Variants in METTL24 observed in about 807,000 individuals in gnomAD.
The protein encoded by METTL24 is probable methyltransferase-like protein 24.
In METTL24, 29 loss-of-function variants were observed where a neutral mutation model predicts 32.7. The ratio of observed to expected loss-of-function variants is 0.89; its 90% confidence interval spans 0.66 to 1.21. The LOEUF (loss-of-function observed/expected upper bound fraction) is 1.21. METTL24 is among the 50% of genes most tolerant of loss of function. The pLI is 0.00. For missense variants in METTL24, 439 were observed against 468.1 expected, an observed-to-expected ratio of 0.94 and a Z score of 0.57; for synonymous variants, 163 against 179.5, an observed-to-expected ratio of 0.91 and a Z score of 0.73.
intron 4 of METTL24, among the ~76,000 whole-genome samples, chr6:110,297,816 C>T (rs150071873): frequency 2.0e-5 from 3 of 152,122 alleles, no homozygotes; most frequent in Admixed American, 2.0e-4. Flanking sequence ...CACCAGTTAC[C>T]CTTGGTGGCA....
At position 110,335,566 on chromosome 6, in the gene METTL24, GTTTTTTTTTTTTTTTT is replaced by G. The variant is rs527344096; in HGVS notation, c.319-12710_319-12695del. Reference sequence around the variant, plus strand: ...TGCTTTGTACTTGTAGGGAATCATTGTTTTTTTTTTTTTTTTTTTTTTTTTTTTATGAAAAAAATGT... The same window carrying G: ...TGCTTTGTACTTGTAGGGAATCATTGTTTTTTTTTTTTATGAAAAAAATGT... On this transcript the variant is annotated intron_variant, in intron 1 of 4. Coordinates refer to ENST00000338882, the MANE Select transcript of METTL24 (RefSeq NM_001123364.3). Among the ~76,000 whole-genome samples, 9 of 66,140 alleles carry G rather than the reference GTTTTTTTTTTTTTTTT, an allele frequency of 1.4e-4. No homozygotes were observed. The South Asian group carries it at 3.5e-3, about 25-fold the overall frequency. 43.4% of individuals were successfully genotyped at this position (66,140 alleles called of 152,430 possible). A position where few individuals can be genotyped will look rare whatever the true frequency, so the allele number is the denominator to read the frequency against.
At chr6:110,249,822 C>T (rs1280103927) in intron 4 of METTL24, among the ~76,000 whole-genome samples, 2 of 151,782 alleles carry the variant, frequency 1.3e-5, no homozygotes, top group East Asian at 1.9e-4. Context: ...CTGGAATAAG[C>T]GAAGACATTC....
At chr6:110,260,244 A>G (rs1778468195) in intron 4 of METTL24, among the ~76,000 whole-genome samples, 1 of 152,230 alleles carries the variant, frequency 6.6e-6, no homozygotes, top group African/African-American at 2.4e-5. Context: ...GGCTAACTAG[A>G]ATAACCAATG....
At chr6:110,319,004 G>A (rs954884697) in intron 2 of METTL24, among the ~76,000 whole-genome samples, 1 of 152,042 alleles carries the variant, frequency 6.6e-6, no homozygotes, top group Non-Finnish European at 1.5e-5. Context: ...AAAATATTTT[G>A]TGAAATTTTT....
chr6:110,330,182 C>A (rs78029432), intron 1 of METTL24, among the ~76,000 whole-genome samples: 1,615 of 152,242 alleles, frequency 0.011, 25 homozygotes, highest in African/African-American at 0.037. Context: ...TTCCTTTCTC[C>A]GTTCTTGCAA....
intron 1 of METTL24, among the ~76,000 whole-genome samples, chr6:110,354,141 A>G (rs7769802): frequency 0.24 from 36,719 of 152,090 alleles, 4,876 homozygotes; most frequent in African/African-American, 0.34. Flanking sequence ...TCCATCATCT[A>G]TCATTGGCTC....
At chr6:110,293,886 A>C (rs1562227974) in intron 4 of METTL24, among the ~76,000 whole-genome samples, 1 of 151,682 alleles carries the variant, frequency 6.6e-6, no homozygotes, top group East Asian at 1.9e-4. Flanking sequence ...TTTTTTAAAG[A>C]GCTCTAATCT....
chr6:110,355,250 A>T (rs1164507405), intron 1 of METTL24, among the ~76,000 whole-genome samples: 2 of 152,118 alleles, frequency 1.3e-5, no homozygotes, highest in African/African-American at 4.8e-5. Flanking sequence ...ATGAACCTTG[A>T]CCTGAGGAAT....
At chr6:110,327,705 C>T (rs1242075212) in intron 1 of METTL24, among the ~76,000 whole-genome samples, 1 of 152,248 alleles carries the variant, frequency 6.6e-6, no homozygotes, top group African/African-American at 2.4e-5. Flanking sequence ...TATACATCAA[C>T]ATTTGTCCTT....
At chr6:110,318,855 A>G (rs1771877567) in intron 2 of METTL24, among the ~76,000 whole-genome samples, 1 of 152,186 alleles carries the variant, frequency 6.6e-6, no homozygotes. Flanking sequence ...CAGGGCTTCA[A>G]TAAGCTCTCT....
chr6:110,277,723 A>C (rs922541370), intron 4 of METTL24, among the ~76,000 whole-genome samples: 4 of 152,208 alleles, frequency 2.6e-5, no homozygotes, highest in Admixed American at 2.6e-4. Context: ...TTTTAAATCC[A>C]TAATCTCTTA....
intron 3 of METTL24, among the ~76,000 whole-genome samples, chr6:110,299,888 T>G (rs1427576699): frequency 6.6e-6 from 1 of 152,174 alleles, no homozygotes; most frequent in Admixed American, 6.5e-5. Context: ...ACACCAGTTT[T>G]AATGAAAAGC....
chr6:110,329,524 G>T, intron 1 of METTL24, among the ~76,000 whole-genome samples: 1 of 145,146 alleles, frequency 6.9e-6, no homozygotes, highest in Non-Finnish European at 1.5e-5. Flanking sequence ...AGTAGTTGGG[G>T]GAGGGAGAGG....
At chr6:110,296,724 G>A (rs192177772) in intron 4 of METTL24, among the ~76,000 whole-genome samples, 4 of 152,238 alleles carry the variant, frequency 2.6e-5, no homozygotes, top group Admixed American at 1.3e-4. Context: ...AGCTAAAAAC[G>A]CTTTGGTTTC....
intron 1 of METTL24, among the ~76,000 whole-genome samples, chr6:110,349,442 C>T (rs1772550105): frequency 1.3e-5 from 2 of 152,220 alleles, no homozygotes; most frequent in Admixed American, 1.3e-4. Flanking sequence ...CACCCCACAC[C>T]CGCAACAGAT....
chr6:110,302,463 A>ATGTGTATATATACACATATACACACATG, intron 3 of METTL24, among the ~76,000 whole-genome samples: 1 of 100,712 alleles, frequency 9.9e-6, no homozygotes, highest in East Asian at 2.5e-4. Context: ...ATACACACAT[A>ATGTGTATATATACACATATACACACATG]TGTGTATATA....
chr6:110,250,273 C>T (rs544874361), intron 4 of METTL24, among the ~76,000 whole-genome samples: 12 of 152,058 alleles, frequency 7.9e-5, no homozygotes, highest in Middle Eastern at 3.4e-3. Context: ...GTGCTGCTTG[C>T]CTGGCTTCCC....
intron 4 of METTL24, among the ~76,000 whole-genome samples, chr6:110,295,841 G>GGAAGGAAGGAAGGAAA (rs1165460076): frequency 3.6e-4 from 54 of 149,468 alleles, no homozygotes; most frequent in African/African-American, 1.3e-3. Context: ...AAGGAAGGAA[G>GGAAGGAAGGAAGGAAA]GTTCTCTATA....
Position 110,244,149 on chromosome 6 carries a change from G to T in METTL24, c.*1797C>A, listed in dbSNP as rs1778103021. Among the ~76,000 whole-genome samples, 1 of 152,170 alleles carries T rather than the reference G, an allele frequency of 6.6e-6. No individual in the cohort carries two copies. Among genetic ancestry groups the T allele is most frequent in the Non-Finnish European group, 1.5e-5 (1 of 68,030 alleles). On this transcript the variant is annotated 3_prime_UTR_variant, in exon 5 of 5. Transcript: ENST00000338882. ...GTCTTCAGGCCACAATCATGTAAGT[G>T]ATGCCAACTGGGAGTAAAGAAAAAT... is the stretch of plus-strand genomic sequence containing the variant.
Sources: gnomAD v4.1 joint callset for allele counts (sites outside exome capture counted in the v4.1 genomes callset) on GRCh38, gnomAD v4.1.1 for gene constraint, MANE v1.5 for transcripts, NCBI Gene and HGNC (gene_info 2026-07-23, HGNC 2026-07-21) for gene names.